Variants in SNX29 observed in about 807,000 individuals in gnomAD.
The protein encoded by SNX29 is sorting nexin-29.
SNX29 carries 78 observed loss-of-function variants against 102.1 expected under a neutral mutation model. The ratio of observed to expected loss-of-function variants is 0.76; its 90% CI spans 0.64 to 0.92. SNX29 has a LOEUF of 0.92. SNX29 is among the 40% of genes least tolerant of loss of function. The pLI is 0.00. For missense variants in SNX29, 1,280 were observed against 1,061.7 expected (o/e 1.21, Z -2.86); for synonymous variants, 580 against 414.5 (o/e 1.40, Z -4.85).
intron 18 of SNX29, among the ~76,000 whole-genome samples, chr16:12,456,125 G>A (rs1187069671): frequency 2.0e-5 from 3 of 152,102 alleles, no homozygotes; most frequent in Admixed American, 2.0e-4. Flanking sequence ...ACTGGTCTGG[G>A]TACTAGGGCA....
At chr16:12,395,817 C>T (rs1408624028) in intron 16 of SNX29, among the ~76,000 whole-genome samples, 1 of 147,656 alleles carries the variant, frequency 6.8e-6, no homozygotes, top group Admixed American at 6.7e-5. Flanking sequence ...ATAGAATCAG[C>T]TCTCTAAAGG....
At chr16:12,565,137 C>CCA (rs1216326637) in intron 20 of SNX29, among the ~76,000 whole-genome samples, 3 of 152,106 alleles carry the variant, frequency 2.0e-5, no homozygotes, top group Non-Finnish European at 2.9e-5. Flanking sequence ...ACATTAGCCC[C>CCA]CACTTCCTTT....
In SNX29 at chr16:12,385,016, C is replaced by G. The variant is rs1457358707; in HGVS notation, c.1900-13430C>G. On this transcript the variant is annotated intron_variant, in intron 16 of 20. Coordinates refer to ENST00000566228, the MANE Select transcript of SNX29 (RefSeq NM_032167.5). Reference sequence around the variant, plus strand: ...TGAAACCCCATCTCCACTAAAAATACAAAAGTAGCTGGGCATGGCGGCGCA... The same window carrying G: ...TGAAACCCCATCTCCACTAAAAATAGAAAAGTAGCTGGGCATGGCGGCGCA... 7.2e-5 allele frequency among the ~76,000 whole-genome samples: 11 copies of G among 152,164 alleles called. No homozygotes were observed. In the East Asian group the frequency reaches 2.1e-3, roughly 29 times the overall value.
rs572601072 is a variant in SNX29 at position 12,060,737 on chromosome 16, A to C, written c.1125-791A>C. 3.3e-4 allele frequency: 149 copies of C among 455,450 alleles called. 3 individuals are homozygous for C. The Admixed American group carries it at 3.5e-3, about 11-fold the overall frequency. The allele number at this position is 455,450 out of a possible 1,614,324, so 28.2% of individuals were successfully genotyped here. A position where few individuals can be genotyped will look rare whatever the true frequency, so the allele number is the denominator to read the frequency against. On this transcript the variant is annotated intron_variant, in intron 8 of 20. Coordinates refer to ENST00000566228, the MANE Select transcript of SNX29 (RefSeq NM_032167.5). ...TCCAGGTATTTATTAACATTTCTTG[A>C]TTGCTCAGAGGCAAGTGCTGCAGGG...
intron 20 of SNX29, among the ~76,000 whole-genome samples, chr16:12,549,249 A>C (rs2077808004): frequency 6.6e-6 from 1 of 152,156 alleles, no homozygotes; most frequent in East Asian, 1.9e-4. Context: ...TAATCCCAGC[A>C]CTTTGGGAGG....
intron 3 of SNX29, among the ~76,000 whole-genome samples, chr16:12,010,869 CTG>C (rs2056624884): frequency 6.6e-6 from 1 of 152,080 alleles, no homozygotes; most frequent in South Asian, 2.1e-4. Context: ...CAGTTGAAAA[CTG>C]TCACGTGTAT....
At chr16:11,980,591 G>C (rs2055393252) in intron 1 of SNX29, among the ~76,000 whole-genome samples, 1 of 152,146 alleles carries the variant, frequency 6.6e-6, no homozygotes, top group Non-Finnish European at 1.5e-5. Flanking sequence ...GTGTCAGACT[G>C]TTTTCTAAAG....
intron 11 of SNX29, chr16:12,087,920 C>T (rs1368350849): frequency 1.3e-5 from 6 of 456,716 alleles, no homozygotes; most frequent in East Asian, 7.0e-5. Flanking sequence ...GAGCTGCTGC[C>T]GCCTCTGCAA....
intron 7 of SNX29, among the ~76,000 whole-genome samples, chr16:12,050,461 T>C: frequency 6.6e-6 from 1 of 152,210 alleles, no homozygotes; most frequent in East Asian, 1.9e-4. Flanking sequence ...TGGGTTGGCA[T>C]GGTGGCTCTT....
intron 19 of SNX29, among the ~76,000 whole-genome samples, chr16:12,519,195 G>A (rs1011969457): frequency 1.3e-4 from 20 of 152,172 alleles, no homozygotes; most frequent in Admixed American, 9.8e-4. Context: ...CATTGCTCAG[G>A]CCATACAAAA....
At chr16:12,395,895 T>C (rs977271301) in intron 16 of SNX29, among the ~76,000 whole-genome samples, 2 of 152,250 alleles carry the variant, frequency 1.3e-5, no homozygotes, top group African/African-American at 4.8e-5. Flanking sequence ...CAAAATTTGA[T>C]GTTGAGTAAG....
chr16:12,137,376 C>T (rs762061587), intron 13 of SNX29, among the ~76,000 whole-genome samples: 9 of 152,204 alleles, frequency 5.9e-5, no homozygotes, highest in Non-Finnish European at 1.2e-4. Flanking sequence ...GCCCTTGGCC[C>T]CTGGCCTTCA....
At chr16:12,256,914 A>G (rs532267809) in intron 14 of SNX29, among the ~76,000 whole-genome samples, 22 of 152,216 alleles carry the variant, frequency 1.4e-4, no homozygotes, top group African/African-American at 4.6e-4. Flanking sequence ...CAAAACTTCA[A>G]TTTCTCCACC....
intron 18 of SNX29, among the ~76,000 whole-genome samples, chr16:12,449,773 T>C (rs2086223121): frequency 6.6e-6 from 1 of 152,218 alleles, no homozygotes; most frequent in Non-Finnish European, 1.5e-5. Context: ...GCAACTCCAG[T>C]GAACTTTCCT....
At chr16:12,102,141 C>A (rs543404752) in intron 11 of SNX29, among the ~76,000 whole-genome samples, 1 of 152,080 alleles carries the variant, frequency 6.6e-6, no homozygotes, top group African/African-American at 2.4e-5. Context: ...GTATATGTGC[C>A]GCATTTTCTT....
intron 15 of SNX29, among the ~76,000 whole-genome samples, chr16:12,353,211 G>A (rs1474385012): frequency 6.6e-6 from 1 of 152,144 alleles, no homozygotes; most frequent in African/African-American, 2.4e-5. Context: ...CAACTCTGTG[G>A]TGCTCTTGCT....
intron 20 of SNX29, among the ~76,000 whole-genome samples, chr16:12,530,739 A>G (rs1038711491): frequency 1.3e-5 from 2 of 152,116 alleles, no homozygotes; most frequent in African/African-American, 4.8e-5. Context: ...TATTTTTAGT[A>G]GAGACGGGGT....
chr16:12,327,178 A>C (rs2081144993), intron 15 of SNX29, among the ~76,000 whole-genome samples: 1 of 152,032 alleles, frequency 6.6e-6, no homozygotes, highest in African/African-American at 2.4e-5. Context: ...TTTTTGTGTC[A>C]GTCATGTTAC....
intron 15 of SNX29, among the ~76,000 whole-genome samples, chr16:12,324,380 C>T (rs577247884): frequency 6.6e-6 from 1 of 152,016 alleles, no homozygotes; most frequent in South Asian, 2.1e-4. Flanking sequence ...TTCTCCTCTC[C>T]AGCTGATTCT....
Sources: allele counts gnomAD v4.1 joint callset (sites outside exome capture counted in the v4.1 genomes callset), GRCh38; gene constraint gnomAD v4.1.1; transcripts MANE v1.5; gene names NCBI Gene and HGNC (gene_info 2026-07-23, HGNC 2026-07-21).